Variants in GSTO2 observed in about 807,000 individuals in gnomAD.
The protein encoded by GSTO2 is glutathione S-transferase omega-2.
GSTO2 carries 23 observed loss-of-function variants against 28.4 expected under a neutral mutation model. The observed-to-expected ratio is 0.81, with a 90% CI of 0.58 to 1.15. The LOEUF (loss-of-function observed/expected upper bound fraction) is 1.15, where lower values mean the gene tolerates loss of function less well. Among genes scored for constraint, GSTO2 ranks in the 50% most tolerant of loss-of-function variants. The pLI is 0.00. For synonymous variants in GSTO2, 109 were observed against 111.0 expected, an observed-to-expected ratio of 0.98 and a Z score of 0.11; for missense variants, 298 against 297.8, an observed-to-expected ratio of 1.00 and a Z score of 0.00.
intron 5 of GSTO2, among the ~76,000 whole-genome samples, chr10:104,281,789 G>T (rs570983943): frequency 1.3e-5 from 2 of 152,272 alleles, no homozygotes; most frequent in East Asian, 3.9e-4. Flanking sequence ...AGGGAGATAG[G>T]CTGTTAAGCC....
intron 5 of GSTO2, among the ~76,000 whole-genome samples, chr10:104,286,565 T>A (rs898118249): frequency 6.6e-6 from 1 of 152,230 alleles, no homozygotes; most frequent in African/African-American, 2.4e-5. Flanking sequence ...GTTATTTCTC[T>A]TGGATTTGCT....
chr10:104,274,555 T>G, intron 1 of GSTO2, 130 bp from the exon 2 acceptor site: 6 of 361,834 alleles, frequency 1.7e-5, no homozygotes, highest in Non-Finnish European at 2.5e-5. Flanking sequence ...TTGAAATCCA[T>G]GTTGGAGTTT....
At chr10:104,271,993 C>G (rs2011428155) in intron 1 of GSTO2, among the ~76,000 whole-genome samples, 1 of 152,086 alleles carries the variant, frequency 6.6e-6, no homozygotes, top group South Asian at 2.1e-4. Flanking sequence ...AAAAGAAAAA[C>G]CAGTCACAAC....
chr10:104,298,540 C>T (rs556045853), intron 6 of GSTO2, among the ~76,000 whole-genome samples: 2 of 152,352 alleles, frequency 1.3e-5, no homozygotes, highest in East Asian at 3.9e-4. Flanking sequence ...TAGGAAACCT[C>T]ACTTCTAGTC....
At chr10:104,291,797 A>G (rs2012785408) in intron 5 of GSTO2, among the ~76,000 whole-genome samples, 1 of 152,252 alleles carries the variant, frequency 6.6e-6, no homozygotes, top group South Asian at 2.1e-4. Flanking sequence ...TGGAGAACAG[A>G]AAATTTTAAA....
At chr10:104,275,685 G>A (rs1330884637) in intron 3 of GSTO2, among the ~76,000 whole-genome samples, 1 of 152,080 alleles carries the variant, frequency 6.6e-6, no homozygotes. Context: ...CACACCCCAG[G>A]CATCTTAGGT....
chr10:104,277,617 G>A (rs2011711669), intron 3 of GSTO2, among the ~76,000 whole-genome samples: 1 of 152,126 alleles, frequency 6.6e-6, no homozygotes. Context: ...GTGGTATTGG[G>A]TGTGAGATTC....
Position 104,304,479 on chromosome 10 carries a change from C to T in GSTO2, c.*5195C>T, listed in dbSNP as rs747901467. ...CAAGGTTAGCACTGGGATCAAATTC[C>T]GACTTTGCAACTTAACTTTCTTGAG... On this transcript the variant is annotated 3_prime_UTR_variant, in exon 7 of 7. Transcript: ENST00000338595. 23 of 152,234 alleles carry T rather than the reference C, an allele frequency of 1.5e-4. No homozygotes were observed. The highest frequency in any genetic ancestry group is 3.4e-4 in the African/African-American group (14 of 41,520). The allele number at this position is 152,234 out of a possible 1,614,324, so 9.4% of individuals were successfully genotyped here.
rs2135158292 is a variant in GSTO2, at chr10:104,302,154, TGA to T, written c.*2873_*2874del. On this transcript the variant is annotated 3_prime_UTR_variant, in exon 7 of 7. Coordinates refer to ENST00000338595, the MANE Select transcript of GSTO2 (RefSeq NM_183239.2). ...CTCCTTATAAAACCATTAGATCTCA[TGA>T]GAACTCACTCACTGTCATGAGAAAA... The T allele has an allele frequency of 6.6e-6, 1 of 152,246 alleles. No individual in the cohort carries two copies. Among genetic ancestry groups the T allele is most frequent in the Non-Finnish European group, 1.5e-5 (1 of 68,032 alleles). 9.4% of individuals were successfully genotyped at this position (152,246 alleles called of 1,614,324 possible).
intron 5 of GSTO2, among the ~76,000 whole-genome samples, chr10:104,294,384 A>G (rs901873605): frequency 6.6e-6 from 1 of 152,172 alleles, no homozygotes; most frequent in Non-Finnish European, 1.5e-5. Context: ...CCAGGTTTGC[A>G]CAGAAGGGAA....
At chr10:104,270,175 G>A (rs1398831111) in intron 1 of GSTO2, among the ~76,000 whole-genome samples, 2 of 152,082 alleles carry the variant, frequency 1.3e-5, no homozygotes, top group South Asian at 2.1e-4. Context: ...CACCGCGCCC[G>A]GCTAATTTTT....
At chr10:104,270,300 A>G (rs1455427865) in intron 1 of GSTO2, among the ~76,000 whole-genome samples, 2 of 152,232 alleles carry the variant, frequency 1.3e-5, no homozygotes, top group African/African-American at 4.8e-5. Context: ...GGCGTGAGCC[A>G]CCGCGCCCGG....
intron 5 of GSTO2, among the ~76,000 whole-genome samples, chr10:104,286,141 A>G (rs999534139): frequency 3.9e-5 from 6 of 152,230 alleles, no homozygotes; most frequent in East Asian, 1.9e-4. Flanking sequence ...CCAGTGTACA[A>G]TTCACTGGCT....
intron 5 of GSTO2, among the ~76,000 whole-genome samples, chr10:104,286,621 C>G (rs1307391358): frequency 6.6e-6 from 1 of 152,142 alleles, no homozygotes; most frequent in Non-Finnish European, 1.5e-5. Context: ...GTTGTAACCA[C>G]CATTCTTTCA....
At chr10:104,286,725 A>G (rs1291106349) in intron 5 of GSTO2, among the ~76,000 whole-genome samples, 1 of 152,110 alleles carries the variant, frequency 6.6e-6, no homozygotes, top group Non-Finnish European at 1.5e-5. Flanking sequence ...TCCAATTCTG[A>G]CAGCTGCTAA....
At chr10:104,283,879 T>C (rs1442421394) in intron 5 of GSTO2, among the ~76,000 whole-genome samples, 1 of 152,248 alleles carries the variant, frequency 6.6e-6, no homozygotes, top group Non-Finnish European at 1.5e-5. Flanking sequence ...TCATTGTCTT[T>C]CTGAGTGATA....
intron 5 of GSTO2, among the ~76,000 whole-genome samples, chr10:104,281,950 G>A (rs1324702463): frequency 6.6e-6 from 1 of 152,122 alleles, no homozygotes; most frequent in Non-Finnish European, 1.5e-5. Flanking sequence ...AATAATCAGT[G>A]AGGGGTTGAC....
chr10:104,294,109 G>A (rs564881749), intron 5 of GSTO2, among the ~76,000 whole-genome samples: 73 of 152,300 alleles, frequency 4.8e-4, no homozygotes, highest in African/African-American at 1.5e-3. Context: ...GACCCAGGAC[G>A]TGATATCTTG....
At chr10:104,287,941 G>A (rs1164933688) in intron 5 of GSTO2, among the ~76,000 whole-genome samples, 1 of 145,604 alleles carries the variant, frequency 6.9e-6, no homozygotes, top group Non-Finnish European at 1.5e-5. Context: ...AGGCTGGAGT[G>A]TAGTGGTGCT....
Sources: gnomAD v4.1 joint callset for allele counts (sites outside exome capture counted in the v4.1 genomes callset) on GRCh38, gnomAD v4.1.1 for gene constraint, MANE v1.5 for transcripts, NCBI Gene and HGNC (gene_info 2026-07-23, HGNC 2026-07-21) for gene names.